Variants in LPIN2 observed in about 807,000 individuals in gnomAD.
LPIN2 encodes phosphatidate phosphatase LPIN2.
Under a neutral mutation model 111.4 loss-of-function variants are expected in LPIN2, and 55 were observed. The observed-to-expected ratio is 0.49, with a 90% CI of 0.40 to 0.62. The LOEUF is 0.62. Ranked by LOEUF, LPIN2 falls within the 20% of genes least tolerant of loss-of-function variation. The probability of loss-of-function intolerance (pLI) is 0.00; values close to 1 mark genes in which losing one functional copy is unlikely to be tolerated. For missense variants in LPIN2, 992 were observed against 1,112.1 expected, an observed-to-expected ratio of 0.89 and a Z score of 1.54; for synonymous variants, 425 against 414.0, an observed-to-expected ratio of 1.03 and a Z score of -0.32.
chr18:3,007,413 C>T (rs888519351), intron 1 of LPIN2, among the ~76,000 whole-genome samples: 2 of 152,162 alleles, frequency 1.3e-5, no homozygotes, highest in Non-Finnish European at 2.9e-5. Context: ...CCTCGTGATC[C>T]GCCCGCCTGG....
At chr18:2,990,908 G>C in intron 1 of LPIN2, 1 of 547,368 alleles carries the variant, frequency 1.8e-6, no homozygotes, top group Non-Finnish European at 3.6e-6. Flanking sequence ...CTGGTATGAT[G>C]CCAGCACCCC....
chr18:2,920,415 C>T lies in LPIN2; in HGVS notation c.2569G>A (p.Val857Met), dbSNP rs1346809433. 11 of 1,613,838 alleles carry T rather than the reference C, an allele frequency of 6.8e-6. No individual in the cohort carries two copies. Among genetic ancestry groups the T allele is most frequent in the Non-Finnish European group, 9.3e-6 (11 of 1,180,040 alleles). The change falls in exon 20 of 20, where the codon GTG becomes ATG. Residue 857 changes from valine (V) to methionine (M), a missense_variant. This residue lies in a region of LPIN2 where 185 missense variants were observed against 186.5 expected (regional missense o/e 0.99). Coordinates refer to ENST00000677752, the MANE Select transcript of LPIN2 (RefSeq NM_001375808.2). ...KSSYHRLSEL[V>M]EHVFPLLSKE... ...CTGAGAAGGGGGAACACATGCTCCACGAGCTCACTCAGCCTGTGATACCTA... is the reference window on the plus strand; with the variant it reads ...CTGAGAAGGGGGAACACATGCTCCATGAGCTCACTCAGCCTGTGATACCTA...
chr18:2,948,463 G>A (rs189428264), intron 4 of LPIN2: 2 of 152,316 alleles, frequency 1.3e-5, no homozygotes, highest in East Asian at 3.9e-4. Context: ...AATGATTCTT[G>A]TACAATTTAG....
intron 1 of LPIN2, among the ~76,000 whole-genome samples, chr18:2,991,657 A>G (rs1245167870): frequency 6.6e-6 from 1 of 152,088 alleles, no homozygotes; most frequent in East Asian, 1.9e-4. Context: ...GGCTGCAGTG[A>G]GCCGAGACCA....
chr18:2,953,744 T>C (rs1363258632), intron 3 of LPIN2, among the ~76,000 whole-genome samples: 1 of 152,178 alleles, frequency 6.6e-6, no homozygotes, highest in East Asian at 1.9e-4. Context: ...ACTTTATTCT[T>C]TATGAAGAAT....
chr18:2,949,927 C>G (rs2077508757), intron 4 of LPIN2, among the ~76,000 whole-genome samples: 1 of 151,778 alleles, frequency 6.6e-6, no homozygotes, highest in Non-Finnish European at 1.5e-5. Flanking sequence ...AGCAAGACCT[C>G]AACTCTACAG....
chr18:2,923,186 C>T (rs530443434), intron 16 of LPIN2, among the ~76,000 whole-genome samples: 6 of 152,010 alleles, frequency 3.9e-5, no homozygotes, highest in South Asian at 2.1e-4. Flanking sequence ...TTTGGGAGGC[C>T]GAGGCGGGGA....
chr18:2,990,874 C>T (rs2143422367), intron 1 of LPIN2: 5 of 503,486 alleles, frequency 9.9e-6, no homozygotes, highest in South Asian at 7.7e-5. Context: ...CTACCTCCCT[C>T]CAGTCTTCTG....
Position 2,918,490 on chromosome 18 carries a change from C to T in LPIN2, c.*1803G>A, listed in dbSNP as rs1240602618. The T allele has an allele frequency of 6.6e-6, 1 of 152,216 alleles. No homozygotes were observed. The highest frequency in any genetic ancestry group is 6.5e-5 in the Admixed American group (1 of 15,288). The allele number at this position is 152,216 out of a possible 1,614,324, so 9.4% of individuals were successfully genotyped here. On this transcript the variant is annotated 3_prime_UTR_variant, in exon 20 of 20. Transcript: ENST00000677752. The stretch of plus-strand genomic sequence containing the variant: ...GCTGCATGGCTGCTGTACTAGAATT[C>T]ACAAACTGGGAAGAACTTCATATAA...
chr18:2,987,769 C>T (rs1039747009), intron 1 of LPIN2, among the ~76,000 whole-genome samples: 4 of 151,978 alleles, frequency 2.6e-5, no homozygotes, highest in African/African-American at 7.3e-5. Context: ...TCTATAGAAA[C>T]GAACGGCTGC....
At chr18:2,920,630 TGAAA>T in intron 19 of LPIN2, 144 bp downstream of exon 19, 1 of 803,422 alleles carries the variant, frequency 1.2e-6, no homozygotes, top group Non-Finnish European at 2.1e-6. Context: ...ACAGATATTG[TGAAA>T]GAGAGATACC....
At chr18:2,951,899 T>C (rs1046440736) in intron 3 of LPIN2, among the ~76,000 whole-genome samples, 4 of 152,240 alleles carry the variant, frequency 2.6e-5, no homozygotes, top group African/African-American at 9.6e-5. Flanking sequence ...CAATACCGTG[T>C]AACAAATGAC....
At position 2,939,514 on chromosome 18, in the gene LPIN2, T is replaced by A; in HGVS notation, c.788A>T (p.Glu263Val). ...ESLLRSESHM[E>V]WTWGGFPEST... ...CTCTGGGAATCCGCCCCACGTCCAC[T>A]CCATGTGAGACTCTGATCTGAGCAG... Residue 263 changes from glutamate to valine, a missense_variant, in exon 6 of 20, where the codon GAG (glutamate) becomes GTG (valine). Glu to Val is a moderately radical substitution (Grantham distance 121, BLOSUM62 -2). Coordinates refer to ENST00000677752, the MANE Select transcript of LPIN2 (RefSeq NM_001375808.2). 1 of 1,613,982 alleles carries A rather than the reference T, an allele frequency of 6.2e-7. No homozygotes were observed.
chr18:3,011,363 C>T lies in LPIN2; in HGVS notation c.-10+1724G>A, dbSNP rs9953670. On this transcript the variant is annotated intron_variant, in intron 1 of 19. Transcript: ENST00000677752. ...TCGTTTCATTTCTAGCTTTCTATGG[C>T]TACCTCTATCAAAAGTTGGGCATGG... 8.7e-3 allele frequency among the ~76,000 whole-genome samples: 1,317 copies of T among 152,206 alleles called. 22 individuals are homozygous for T. The highest frequency in any genetic ancestry group is 0.03 in the African/African-American group (1,260 of 41,534).
At chr18:2,991,757 A>G (rs766442264) in intron 1 of LPIN2, among the ~76,000 whole-genome samples, 2 of 152,136 alleles carry the variant, frequency 1.3e-5, no homozygotes, top group Non-Finnish European at 1.5e-5. Context: ...CACGCCTATA[A>G]TCTCAGCACT....
chr18:2,989,957 T>C (rs1355890947), intron 1 of LPIN2, among the ~76,000 whole-genome samples: 1 of 151,338 alleles, frequency 6.6e-6, no homozygotes, highest in East Asian at 1.9e-4. Context: ...CAAAACATTG[T>C]AGTACTGGCA....
intron 1 of LPIN2, chr18:2,967,733 G>C (rs1044032519): frequency 6.6e-6 from 1 of 152,194 alleles, no homozygotes; most frequent in Non-Finnish European, 1.5e-5. Flanking sequence ...CAGCCTTTCC[G>C]AGGGAAGCTG....
At chr18:2,951,442 ACCATGGT>A in intron 3 of LPIN2, 86 bp from the exon 4 acceptor site, 1 of 1,104,182 alleles carries the variant, frequency 9.1e-7, no homozygotes, top group Admixed American at 2.9e-5. Flanking sequence ...ATAAATTTTC[ACCATGGT>A]AAAAAAAAAA....
At chr18:2,971,269 G>T (rs1341649410) in intron 1 of LPIN2, among the ~76,000 whole-genome samples, 1 of 152,100 alleles carries the variant, frequency 6.6e-6, no homozygotes, top group Non-Finnish European at 1.5e-5. Flanking sequence ...GGAGGAAGTG[G>T]GATCAAAAAG....
Sources: allele counts gnomAD v4.1 joint callset (sites outside exome capture counted in the v4.1 genomes callset), GRCh38; gene constraint gnomAD v4.1.1; regional missense constraint gnomAD v4.1.1; transcripts MANE v1.5; gene names NCBI Gene and HGNC (gene_info 2026-07-23, HGNC 2026-07-21).